SETD4: variants seen among roughly 807,000 people sequenced by gnomAD.
SETD4 encodes SET domain containing 4, also known as SET domain-containing protein 4.
SETD4 carries 46 observed loss-of-function variants against 58.3 expected under a neutral mutation model. The observed-to-expected ratio is 0.79, with a 90% CI of 0.62 to 1.01. The LOEUF (loss-of-function observed/expected upper bound fraction) is 1.01, where lower values mean the gene tolerates loss of function less well. Ranked by LOEUF, SETD4 falls within the 50% of genes least tolerant of loss-of-function variation. The pLI, the probability that SETD4 is intolerant of heterozygous loss-of-function variation, is 0.00. For missense variants in SETD4, 490 were observed against 523.3 expected (o/e 0.94, Z 0.62); for synonymous variants, 190 against 202.6 (o/e 0.94, Z 0.53).
In SETD4 at chr21:36,035,932, A is replaced by G. The variant is rs1475563092; in HGVS notation, c.*61T>C. 3.3e-5 allele frequency: 25 copies of G among 751,430 alleles called. No homozygotes were observed. The highest frequency in any genetic ancestry group is 5.1e-5 in the Non-Finnish European group (24 of 467,882). The allele number at this position is 751,430 out of a possible 1,614,324, so 46.5% of individuals were successfully genotyped here. On this transcript the variant is annotated 3_prime_UTR_variant, in exon 12 of 12. Coordinates refer to ENST00000332131, the MANE Select transcript of SETD4 (RefSeq NM_017438.5). Reference sequence around the variant, plus strand: ...GGGGCAGCCACCACCCCAGCCCATGATGATGCTCTTCAAAATTAACTTTTG... The same window carrying G: ...GGGGCAGCCACCACCCCAGCCCATGGTGATGCTCTTCAAAATTAACTTTTG...
chr21:36,039,396 AGGAAGACCTCTG>A (rs550579234), intron 9 of SETD4, among the ~76,000 whole-genome samples: 15 of 152,348 alleles, frequency 9.8e-5, no homozygotes, highest in Admixed American at 8.5e-4. Flanking sequence ...AAGAGGCCTA[AGGAAGACCTCTG>A]GGAAACAGCC....
At chr21:36,043,983 T>G in intron 6 of SETD4, 27 bp from the exon 7 acceptor site, 1 of 1,608,656 alleles carries the variant, frequency 6.2e-7, no homozygotes, top group East Asian at 2.2e-5. Context: ...TTAAGGTATT[T>G]TTTAAAGTAA....
chr21:36,047,129 C>A (rs748934298), intron 5 of SETD4, among the ~76,000 whole-genome samples: 1 of 152,092 alleles, frequency 6.6e-6, no homozygotes, highest in Non-Finnish European at 1.5e-5. Flanking sequence ...GTGGCGCACA[C>A]CTGTAATCCC....
chr21:36,043,547 T>C (rs2064165088), intron 7 of SETD4: 1 of 1,351,358 alleles, frequency 7.4e-7, no homozygotes. Flanking sequence ...TTCCATTCTA[T>C]CTTCTGACCC....
chr21:36,048,514 C>A (rs2064467300), intron 4 of SETD4, 118 bp from the exon 5 acceptor site: 1 of 827,318 alleles, frequency 1.2e-6, no homozygotes, highest in Non-Finnish European at 2.1e-6. Flanking sequence ...GTAACTCAAC[C>A]AAAAGCCACC....
At chr21:36,051,081 A>G (rs1601259230) in intron 4 of SETD4, 1 of 1,428,882 alleles carries the variant, frequency 7.0e-7, no homozygotes, top group East Asian at 2.3e-5. Context: ...CGTCTTTCAT[A>G]AGGCTTGTAA....
At chr21:36,058,521 AG>A (rs67663142) in intron 2 of SETD4, among the ~76,000 whole-genome samples, 740 of 53,704 alleles carry the variant, frequency 0.014, 9 homozygotes, top group African/African-American at 0.024. Flanking sequence ...AAAAAAAAAA[AG>A]AAAGATTCTC....
intron 4 of SETD4, among the ~76,000 whole-genome samples, chr21:36,052,551 C>T (rs1444835407): frequency 7.7e-6 from 1 of 129,060 alleles, no homozygotes; most frequent in African/African-American, 3.0e-5. Context: ...GAGCAAGACT[C>T]TGTCTCAAAA....
At position 36,058,859 on chromosome 21, in the gene SETD4, C is replaced by T; in HGVS notation, c.30G>A (p.Arg10=). The T allele has an allele frequency of 1.2e-6, 2 of 1,602,426 alleles. No individual in the cohort carries two copies. The highest frequency in any genetic ancestry group is 1.7e-6 in the Non-Finnish European group (2 of 1,175,742). MQKGKGRTS[R]IRRRKLCGSS... ...TTCCGCAGAGTTTTCGTCTTCTGAT[C>T]CGGCTTGTTCTCCCTTTTCCTTTCT... The change falls in exon 2 of 12, where the codon CGG becomes CGA. Residue 10 remains arginine (R), a synonymous_variant. Transcript: ENST00000332131.
rs2064270877 is a variant in SETD4 at position 36,045,457 on chromosome 21, G to A, written c.726+125C>T. 3.3e-6 allele frequency: 4 copies of A among 1,208,680 alleles called. No individual in the cohort carries two copies. In the East Asian group the frequency reaches 9.4e-5, roughly 29 times the overall value. The allele number at this position is 1,208,680 out of a possible 1,614,324, so 74.9% of individuals were successfully genotyped here. A position where few individuals can be genotyped will look rare whatever the true frequency, so the allele number is the denominator to read the frequency against. On this transcript the variant is annotated intron_variant, in intron 6 of 11. Transcript: ENST00000332131. ...GAGCCTCCTGACGTCAGGCCAACCT[G>A]ACAGGGTCACCTGAAGCCGCCGACA...
At chr21:36,036,035 A>G (rs2123488606) in intron 11 of SETD4, 50 bp downstream of exon 11, 2 of 1,551,998 alleles carry the variant, frequency 1.3e-6, no homozygotes, top group East Asian at 2.2e-5. Flanking sequence ...TCTAAACTAT[A>G]TAAATTTAGT....
At chr21:36,053,876 C>T (rs1443246760) in intron 3 of SETD4, among the ~76,000 whole-genome samples, 2 of 152,172 alleles carry the variant, frequency 1.3e-5, no homozygotes, top group Non-Finnish European at 2.9e-5. Context: ...GGACTTTATA[C>T]AGACCTACTG....
chr21:36,039,604 C>A (rs148547524), intron 9 of SETD4, among the ~76,000 whole-genome samples: 1 of 152,158 alleles, frequency 6.6e-6, no homozygotes, highest in Admixed American at 6.5e-5. Context: ...CAGTGCGAAA[C>A]CGCATGTCCC....
chr21:36,040,451 G>T, intron 9 of SETD4, 124 bp downstream of exon 9: 1 of 745,444 alleles, frequency 1.3e-6, no homozygotes. Context: ...CAACTCCAAT[G>T]TATGACATCC....
chr21:36,057,605 C>T (rs2065051784), intron 2 of SETD4: 1 of 414,316 alleles, frequency 2.4e-6, no homozygotes. Flanking sequence ...AAAATTCAAG[C>T]AGGCTTTCAT....
At chr21:36,059,055 A>G in intron 1 of SETD4, 131 bp from the exon 2 acceptor site, 1 of 1,106,522 alleles carries the variant, frequency 9.0e-7, no homozygotes, top group East Asian at 2.8e-5. Context: ...ATACAAATGT[A>G]TGTTTTGGTA....
intron 1 of SETD4, 119 bp downstream of exon 1, chr21:36,060,228 G>A: frequency 1.5e-6 from 1 of 653,510 alleles, no homozygotes; most frequent in Non-Finnish European, 1.9e-6. Context: ...GAGGGGACCT[G>A]CGACCTAAAC....
intron 5 of SETD4, among the ~76,000 whole-genome samples, chr21:36,048,056 A>AGAGGGGGG (rs2064428231): frequency 9.6e-6 from 1 of 104,620 alleles, no homozygotes; most frequent in Non-Finnish European, 1.8e-5. Context: ...AGGAAGGAAG[A>AGAGGGGGG]GAGGGAGGGA....
intron 5 of SETD4, among the ~76,000 whole-genome samples, chr21:36,047,914 G>A (rs984418984): frequency 6.6e-6 from 1 of 151,538 alleles, no homozygotes; most frequent in Non-Finnish European, 1.5e-5. Flanking sequence ...GCTGAGGCAC[G>A]AGAATCACTT....
Sources: allele counts gnomAD v4.1 joint callset (sites outside exome capture counted in the v4.1 genomes callset), GRCh38; gene constraint gnomAD v4.1.1; transcripts MANE v1.5; gene names NCBI Gene and HGNC (gene_info 2026-07-23, HGNC 2026-07-21).